B3GALT1: variants seen among roughly 807,000 people sequenced by gnomAD.
The protein encoded by B3GALT1 is beta-1,3-galactosyltransferase 1.
In B3GALT1, 10 loss-of-function variants were observed where a neutral mutation model predicts 23.2. The observed-to-expected ratio is 0.43, with a 90% confidence interval of 0.27 to 0.73. B3GALT1 has a LOEUF of 0.73. B3GALT1 is among the 30% of genes least tolerant of loss of function. The pLI is 0.21. For synonymous variants in B3GALT1, 156 were observed against 141.5 expected (o/e 1.10, Z -0.73); for missense variants, 299 against 405.4 (o/e 0.74, Z 2.25).
At chr2:167,635,464 C>T (rs544619123) in intron 2 of B3GALT1, among the ~76,000 whole-genome samples, 71 of 152,232 alleles carry the variant, frequency 4.7e-4, no homozygotes, top group African/African-American at 1.7e-3. Context: ...TTGTCTCAGC[C>T]CGAAATCTCC....
intron 1 of B3GALT1, among the ~76,000 whole-genome samples, chr2:167,417,343 G>A (rs1463136323): frequency 2.6e-5 from 4 of 152,154 alleles, no homozygotes; most frequent in East Asian, 3.9e-4. Flanking sequence ...TTCTTATGGT[G>A]TGATGTGATG....
At chr2:167,379,772 C>T (rs1294061518) in intron 1 of B3GALT1, among the ~76,000 whole-genome samples, 1 of 152,220 alleles carries the variant, frequency 6.6e-6, no homozygotes. Context: ...CTATAGGTCC[C>T]CCAGTGGTAG....
intron 1 of B3GALT1, among the ~76,000 whole-genome samples, chr2:167,448,104 T>G (rs1699029904): frequency 6.6e-6 from 1 of 152,212 alleles, no homozygotes; most frequent in South Asian, 2.1e-4. Flanking sequence ...AGTATCTTTT[T>G]TGTATAATGA....
At chr2:167,742,589 A>T (rs1687592180) in intron 3 of B3GALT1, among the ~76,000 whole-genome samples, 3 of 152,186 alleles carry the variant, frequency 2.0e-5, no homozygotes, top group Non-Finnish European at 4.4e-5. Flanking sequence ...CAGAAAGATG[A>T]CTACGTAGCA....
At chr2:167,610,045 A>G (rs1326561417) in intron 2 of B3GALT1, among the ~76,000 whole-genome samples, 1 of 150,296 alleles carries the variant, frequency 6.7e-6, no homozygotes. Context: ...AAACTTTTGC[A>G]AAAAAAATAT....
At chr2:167,695,453 C>G (rs1349752555) in intron 3 of B3GALT1, among the ~76,000 whole-genome samples, 2 of 152,116 alleles carry the variant, frequency 1.3e-5, no homozygotes, top group African/African-American at 4.8e-5. Flanking sequence ...TTTACAAACT[C>G]TTGCTTAAAA....
At chr2:167,498,158 G>A (rs1366303071) in intron 2 of B3GALT1, among the ~76,000 whole-genome samples, 3 of 152,136 alleles carry the variant, frequency 2.0e-5, no homozygotes, top group African/African-American at 7.2e-5. Flanking sequence ...TGATGTTGCA[G>A]GATTGCTCAA....
intron 2 of B3GALT1, among the ~76,000 whole-genome samples, chr2:167,520,753 C>T (rs145463952): frequency 2.6e-5 from 4 of 152,244 alleles, no homozygotes; most frequent in Middle Eastern, 3.4e-3. Context: ...AAAAGAAATG[C>T]GTTAGGATCT....
intron 2 of B3GALT1, among the ~76,000 whole-genome samples, chr2:167,578,605 C>T (rs1371079612): frequency 2.6e-5 from 4 of 151,816 alleles, no homozygotes; most frequent in African/African-American, 9.7e-5. Flanking sequence ...AGTGTATTTT[C>T]ATCAGAGACC....
intron 2 of B3GALT1, among the ~76,000 whole-genome samples, chr2:167,548,675 C>CGTTTGTGTGA (rs1553466222): frequency 5.0e-5 from 5 of 99,844 alleles, no homozygotes; most frequent in Non-Finnish European, 6.0e-5. Context: ...CCTGTCCAGA[C>CGTTTGTGTGA]GTGTGTGTGA....
intron 3 of B3GALT1, among the ~76,000 whole-genome samples, chr2:167,790,486 T>C (rs73971280): frequency 0.016 from 2,468 of 152,328 alleles, 59 homozygotes; most frequent in African/African-American, 0.056. Flanking sequence ...ACTGTCCGTC[T>C]CTACCATCAT....
Position 167,838,366 on chromosome 2 carries a change from A to G in B3GALT1, c.-230+19573A>G, listed in dbSNP as rs1266528054. 3.9e-5 allele frequency among the ~76,000 whole-genome samples: 6 copies of G among 152,418 alleles called. No individual in the cohort carries two copies. In the East Asian group the frequency reaches 5.8e-4, roughly 15 times the overall value. On this transcript the variant is annotated intron_variant, in intron 4 of 4. Transcript: ENST00000392690. ...GGATATCACCACCGATCCCACAGAA[A>G]TACAAACTACCATCAGAGAATACTA...
intron 1 of B3GALT1, among the ~76,000 whole-genome samples, chr2:167,485,555 A>G (rs565444657): frequency 6.6e-6 from 1 of 152,316 alleles, no homozygotes; most frequent in East Asian, 1.9e-4. Context: ...CACTTGACAA[A>G]TGGCATTAAG....
chr2:167,601,409 AT>A (rs1684875682), intron 2 of B3GALT1, among the ~76,000 whole-genome samples: 1 of 152,150 alleles, frequency 6.6e-6, no homozygotes, highest in Non-Finnish European at 1.5e-5. Context: ...CTTTGCCTCA[AT>A]TCTAGATTAA....
At chr2:167,377,468 T>C (rs1218821648) in intron 1 of B3GALT1, among the ~76,000 whole-genome samples, 1 of 152,168 alleles carries the variant, frequency 6.6e-6, no homozygotes, top group African/African-American at 2.4e-5. Context: ...TAAGTCTTTT[T>C]GTAGGTCTAG....
intron 2 of B3GALT1, among the ~76,000 whole-genome samples, chr2:167,563,306 G>A (rs62196688): frequency 3.0e-4 from 40 of 134,000 alleles, no homozygotes; most frequent in Admixed American, 4.2e-4. Flanking sequence ...AGGGGCGGCC[G>A]GGCAGAGGCG....
chr2:167,775,435 G>A (rs1189376132), intron 3 of B3GALT1, among the ~76,000 whole-genome samples: 3 of 151,920 alleles, frequency 2.0e-5, no homozygotes, highest in African/African-American at 7.3e-5. Context: ...CGGGTGTGGT[G>A]GCGCGTGCCT....
chr2:167,768,378 CT>C (rs1481794647), intron 3 of B3GALT1, among the ~76,000 whole-genome samples: 5 of 152,176 alleles, frequency 3.3e-5, no homozygotes, highest in African/African-American at 1.2e-4. Context: ...GGAATTCTTT[CT>C]TCCTTCCTTT....
intron 3 of B3GALT1, among the ~76,000 whole-genome samples, chr2:167,729,085 A>G (rs1687366720): frequency 6.6e-6 from 1 of 152,220 alleles, no homozygotes; most frequent in Non-Finnish European, 1.5e-5. Flanking sequence ...ACTGGAAAGA[A>G]AGACTTCAGG....
Sources: gnomAD v4.1 joint callset for allele counts (sites outside exome capture counted in the v4.1 genomes callset) on GRCh38, gnomAD v4.1.1 for gene constraint, MANE v1.5 for transcripts, NCBI Gene and HGNC (gene_info 2026-07-23, HGNC 2026-07-21) for gene names.